NDUFB6: variants seen among roughly 807,000 people sequenced by gnomAD.
NDUFB6 encodes the protein NADH:ubiquinone oxidoreductase subunit B6.
NDUFB6 carries 23 observed loss-of-function variants against 17.5 expected under a neutral mutation model. That is an observed-to-expected ratio of 1.31 (90% CI 0.94 to 1.86). The LOEUF is 1.86. Among genes scored for constraint, NDUFB6 ranks in the 40% most tolerant of loss-of-function variants. NDUFB6 has a pLI of 0.00. For missense variants in NDUFB6, 167 were observed against 153.8 expected, an observed-to-expected ratio of 1.09 and a Z score of -0.46; for synonymous variants, 60 against 53.5, an observed-to-expected ratio of 1.12 and a Z score of -0.53.
chr9:32,563,485 A>G (rs1391950561), intron 2 of NDUFB6, among the ~76,000 whole-genome samples: 1 of 49,690 alleles, frequency 2.0e-5, no homozygotes, highest in Non-Finnish European at 4.8e-5. Context: ...AGGTGGGACT[A>G]TTGGGCTTTT....
In NDUFB6 at chr9:32,563,768, A is replaced by G. The variant is rs556892364; in HGVS notation, c.274-4814T>C. 2.6e-5 allele frequency among the ~76,000 whole-genome samples: 4 copies of G among 152,284 alleles called. No homozygotes were observed. The East Asian group carries it at 7.7e-4, about 29-fold the overall frequency. On this transcript the variant is annotated intron_variant, in intron 2 of 3. Coordinates refer to ENST00000379847, the MANE Select transcript of NDUFB6 (RefSeq NM_002493.5). ...TACCCATTTATTAATTCACTTATTT[A>G]TATCAGTTTGCACTCATGGATTTTC...
intron 3 of NDUFB6, among the ~76,000 whole-genome samples, chr9:32,555,581 T>C (rs886550387): frequency 1.3e-5 from 2 of 152,260 alleles, no homozygotes; most frequent in African/African-American, 4.8e-5. Context: ...CAAATATTTT[T>C]CTTTTCATGC....
chr9:32,572,778 C>A lies in NDUFB6; in HGVS notation c.180+103G>T, dbSNP rs1037957538. 1.2e-5 allele frequency: 13 copies of A among 1,086,712 alleles called. No homozygotes were observed. In the South Asian group the frequency reaches 1.5e-4, roughly 12 times the overall value. 67.3% of individuals were successfully genotyped at this position (1,086,712 alleles called of 1,614,324 possible). On this transcript the variant is annotated intron_variant, in intron 1 of 3. Coordinates refer to ENST00000379847, the MANE Select transcript of NDUFB6 (RefSeq NM_002493.5). ...CTGGCCAGTGTCCCAGAGCACTGAGCGTTATCAGTCCTTGGTGTGGCTGCA... is the reference window on the plus strand; with the variant it reads ...CTGGCCAGTGTCCCAGAGCACTGAGAGTTATCAGTCCTTGGTGTGGCTGCA...
At chr9:32,567,102 TCA>T (rs1821818693) in intron 2 of NDUFB6, 1 of 484,274 alleles carries the variant, frequency 2.1e-6, no homozygotes, top group Non-Finnish European at 4.3e-6. Context: ...GCCCGCAGCT[TCA>T]CAGTCTTGTG....
chr9:32,562,824 A>G (rs978860521), intron 2 of NDUFB6, among the ~76,000 whole-genome samples: 1 of 152,220 alleles, frequency 6.6e-6, no homozygotes, highest in Admixed American at 6.5e-5. Flanking sequence ...CCCTTACATG[A>G]CATGTTCTCC....
chr9:32,555,033 A>C (rs1350480456), intron 3 of NDUFB6, among the ~76,000 whole-genome samples: 3 of 152,148 alleles, frequency 2.0e-5, no homozygotes, highest in Non-Finnish European at 2.9e-5. Context: ...TTGAGAGGCG[A>C]CATAAAAATG....
intron 2 of NDUFB6, chr9:32,566,091 G>A (rs1255325233): frequency 2.3e-6 from 1 of 430,512 alleles, no homozygotes; most frequent in Non-Finnish European, 4.2e-6. Flanking sequence ...AAAGGCACCT[G>A]TTAAAATTAT....
intron 3 of NDUFB6, among the ~76,000 whole-genome samples, chr9:32,558,236 C>T (rs577502512): frequency 4.0e-5 from 6 of 151,792 alleles, no homozygotes; most frequent in South Asian, 2.1e-4. Context: ...CTCAGCCTCT[C>T]GAGTAGCTGG....
In NDUFB6 at chr9:32,553,585, G is replaced by GT. The variant is rs1397226641; in HGVS notation, c.*290dup. ...TTGCATACCCTGATACCAAATTAGT[G>GT]TAAGTACTGTGTAAGAAAAAAACAA... On this transcript the variant is annotated 3_prime_UTR_variant, in exon 4 of 4. Transcript: ENST00000379847. 5 of 343,558 alleles carry GT rather than the reference G, an allele frequency of 1.5e-5. No homozygotes were observed. Among genetic ancestry groups the GT allele is most frequent in the Admixed American group, 4.6e-5 (1 of 21,750 alleles). 21.3% of individuals were successfully genotyped at this position (343,558 alleles called of 1,614,324 possible). A position where few individuals can be genotyped will look rare whatever the true frequency, so the allele number is the denominator to read the frequency against.
At position 32,553,629 on chromosome 9, in the gene NDUFB6, A is replaced by G. The variant is rs1016253357; in HGVS notation, c.*247T>C. ...AAAACAAACAAACATGTAACTAAAT[A>G]CTTTTCCATACCGTTTTCCAAGTCA... is the stretch of plus-strand genomic sequence containing the variant. On this transcript the variant is annotated 3_prime_UTR_variant, in exon 4 of 4. Coordinates refer to ENST00000379847, the MANE Select transcript of NDUFB6 (RefSeq NM_002493.5). 13 of 446,248 alleles carry G rather than the reference A, an allele frequency of 2.9e-5. No individual in the cohort carries two copies. The highest frequency in any genetic ancestry group is 4.3e-5 in the East Asian group (1 of 23,082). The allele number at this position is 446,248 out of a possible 1,614,324, so 27.6% of individuals were successfully genotyped here.
chr9:32,569,454 G>A (rs1821892726), intron 2 of NDUFB6, among the ~76,000 whole-genome samples: 1 of 151,974 alleles, frequency 6.6e-6, no homozygotes, highest in Admixed American at 6.6e-5. Context: ...TCTTGACCTC[G>A]TGATCCACCC....
At chr9:32,558,855 A>C (rs1349978983) in intron 3 of NDUFB6, 55 bp downstream of exon 3, 1 of 1,253,868 alleles carries the variant, frequency 8.0e-7, no homozygotes, top group Non-Finnish European at 1.1e-6. Flanking sequence ...GAAAGGGAGG[A>C]AAAGGAAAGA....
Position 32,572,934 on chromosome 9 carries a change from T to C in NDUFB6, c.127A>G (p.Met43Val), listed in dbSNP as rs142741532. 731 of 1,608,152 alleles carry C rather than the reference T, an allele frequency of 4.5e-4. 2 individuals are homozygous for C. In the African/African-American group the frequency reaches 8.5e-3, roughly 19 times the overall value. Residue 43 changes from methionine to valine, a missense_variant, in exon 1 of 4, where the codon ATG (methionine) becomes GTG (valine). Met to Val is a conservative substitution (Grantham distance 21). Transcript: ENST00000379847. ...AAAAATTTATTCCAGAATTTCTCCA[T>C]AGGCCCCATCTTCTGTGGGGGCAGC... ...PVLPPQKMGP[M>V]EKFWNKFLEN...
At position 32,569,794 on chromosome 9, in the gene NDUFB6, G is replaced by C. The variant is rs148546930; in HGVS notation, c.273+1166C>G. Reference sequence around the variant, plus strand: ...GCCTCTCAAAGTGCTAGGGCTACAGGTGGGAGCCACCACACATGGCCCAGC... The same window carrying C: ...GCCTCTCAAAGTGCTAGGGCTACAGCTGGGAGCCACCACACATGGCCCAGC... On this transcript the variant is annotated intron_variant, in intron 2 of 3. Transcript: ENST00000379847. 3.2e-3 allele frequency among the ~76,000 whole-genome samples: 488 copies of C among 152,276 alleles called. 1 individual carries two copies. The highest frequency in any genetic ancestry group is 0.011 in the African/African-American group (467 of 41,530).
chr9:32,564,164 A>G (rs1229113979), intron 2 of NDUFB6, among the ~76,000 whole-genome samples: 2 of 152,206 alleles, frequency 1.3e-5, no homozygotes, highest in African/African-American at 2.4e-5. Context: ...ATTTACATCT[A>G]TATCTATTTC....
intron 2 of NDUFB6, chr9:32,566,248 C>A: frequency 9.8e-7 from 1 of 1,017,558 alleles, no homozygotes; most frequent in Non-Finnish European, 1.6e-6. Context: ...TTTCTTATGG[C>A]AGACAACACT....
intron 2 of NDUFB6, among the ~76,000 whole-genome samples, chr9:32,560,006 G>A (rs80294852): frequency 1.3e-5 from 2 of 152,176 alleles, no homozygotes. Flanking sequence ...ATGATATGAG[G>A]CATAGAGAAC....
At chr9:32,564,234 T>C (rs1473471900) in intron 2 of NDUFB6, among the ~76,000 whole-genome samples, 4 of 152,216 alleles carry the variant, frequency 2.6e-5, no homozygotes, top group Non-Finnish European at 5.9e-5. Flanking sequence ...AATTCCATTC[T>C]ACCACCACAA....
chr9:32,566,922 G>T, intron 2 of NDUFB6: 1 of 537,096 alleles, frequency 1.9e-6, no homozygotes, highest in East Asian at 4.2e-5. Flanking sequence ...CACTCACATA[G>T]CCCTGCCAGG....
Sources: allele counts gnomAD v4.1 joint callset (sites outside exome capture counted in the v4.1 genomes callset), GRCh38; gene constraint gnomAD v4.1.1; transcripts MANE v1.5; gene names NCBI Gene and HGNC (gene_info 2026-07-23, HGNC 2026-07-21).